The following RGS22 variants were observed in gnomAD, a reference collection of about 807,000 sequenced individuals.
RGS22 encodes regulator of G-protein signaling 22.
In RGS22, 148 loss-of-function variants were observed where a neutral mutation model predicts 172.9. That is an observed-to-expected ratio of 0.86 (90% confidence interval 0.75 to 0.98). The LOEUF (loss-of-function observed/expected upper bound fraction) is 0.98. Ranked by LOEUF, RGS22 falls within the 50% of genes least tolerant of loss-of-function variation. The pLI is 0.00. For missense variants in RGS22, 1,347 were observed against 1,440.8 expected, an observed-to-expected ratio of 0.93 and a Z score of 1.05; for synonymous variants, 458 against 480.2, an observed-to-expected ratio of 0.95 and a Z score of 0.60.
rs968076482 is a variant in RGS22, at chr8:100,007,787, G to A, written c.2361+588C>T. Among the ~76,000 whole-genome samples the A allele has an allele frequency of 1.8e-3, 247 of 139,926 alleles. 2 individuals carry two copies. Among genetic ancestry groups the A allele is most frequent in the South Asian group, 4.5e-3 (20 of 4,422 alleles). The allele number at this position is 139,926 out of a possible 152,430, so 91.8% of individuals were successfully genotyped here. A position where few individuals can be genotyped will look rare whatever the true frequency, so the allele number is the denominator to read the frequency against. On this transcript the variant is annotated intron_variant, in intron 15 of 27. Transcript: ENST00000360863. Reference sequence around the variant, plus strand: ...AATAAGAAAACCGGCAAAAAAAAAAGAAAAAAAAAATCAAGTGATGCCACT... The same window carrying A: ...AATAAGAAAACCGGCAAAAAAAAAAAAAAAAAAAAATCAAGTGATGCCACT...
chr8:100,084,865 T>C lies in RGS22; in HGVS notation c.118-4510A>G, dbSNP rs756672046. Among the ~76,000 whole-genome samples, 9 of 152,344 alleles carry C rather than the reference T, an allele frequency of 5.9e-5. No homozygotes were observed. In the East Asian group the frequency reaches 7.7e-4, roughly 13 times the overall value. On this transcript the variant is annotated intron_variant, in intron 3 of 27. Coordinates refer to ENST00000360863, the MANE Select transcript of RGS22 (RefSeq NM_015668.5). The stretch of plus-strand genomic sequence containing the variant: ...GTACATGATCTTTCATTTTTGTCTA[T>C]GATAAAGAGTAAACAAAATACCGAA...
At chr8:100,016,855 T>C (rs1196573832) in intron 14 of RGS22, among the ~76,000 whole-genome samples, 1 of 151,806 alleles carries the variant, frequency 6.6e-6, no homozygotes, top group Non-Finnish European at 1.5e-5. Flanking sequence ...ACATGGCACA[T>C]GTATACATAT....
chr8:99,987,592 A>G lies in RGS22; in HGVS notation c.3046T>C (p.Ser1016Pro), dbSNP rs1813241004. The G allele has an allele frequency of 6.2e-7, 1 of 1,608,298 alleles. No individual in the cohort carries two copies. The highest frequency in any genetic ancestry group is 8.5e-7 in the Non-Finnish European group (1 of 1,177,444). The change falls in exon 21 of 28, where the codon TCT (serine) becomes CCT (proline). Residue 1016 changes from serine to proline, a missense_variant. Ser to Pro is a moderately conservative substitution (Grantham distance 74). Transcript: ENST00000360863. The stretch of plus-strand genomic sequence containing the variant: ...TTGCGAAAAGCAATGATTTTACAAG[A>G]TGAAGAGATCCACTTACTCTCCACA... ...KPVESKWISSSCKIIAFRKAL... is the reference protein window; with the variant it reads ...KPVESKWISSPCKIIAFRKAL...
At chr8:100,089,197 TACAC>T (rs1462469333) in intron 3 of RGS22, among the ~76,000 whole-genome samples, 1 of 145,320 alleles carries the variant, frequency 6.9e-6, no homozygotes, top group Non-Finnish European at 1.5e-5. Flanking sequence ...ATACACGAGA[TACAC>T]ACACACACAA....
intron 19 of RGS22, among the ~76,000 whole-genome samples, chr8:99,998,676 G>A (rs549172381): frequency 1.3e-5 from 2 of 151,928 alleles, no homozygotes; most frequent in Non-Finnish European, 2.9e-5. Flanking sequence ...TTAGAGACAG[G>A]GTTTCACTCT....
intron 2 of RGS22, 118 bp downstream of exon 2, chr8:100,105,256 C>T (rs1367235323): frequency 2.5e-6 from 2 of 810,424 alleles, no homozygotes; most frequent in Non-Finnish European, 4.1e-6. Context: ...ACAATTGTTA[C>T]TAAACCAAAA....
At chr8:99,988,637 A>G (rs1319970142) in intron 20 of RGS22, among the ~76,000 whole-genome samples, 1 of 152,220 alleles carries the variant, frequency 6.6e-6, no homozygotes, top group Non-Finnish European at 1.5e-5. Context: ...TTATATTTTT[A>G]AAAAGTGCCA....
rs1289971787 is a variant in RGS22, at chr8:100,063,851, G to A, written c.917C>T (p.Thr306Ile). 2 of 1,611,520 alleles carry A rather than the reference G, an allele frequency of 1.2e-6. No homozygotes were observed. Among genetic ancestry groups the A allele is most frequent in the East Asian group, 4.5e-5 (2 of 44,834 alleles). Reference protein sequence around the residue: ...EKKQDVDESLTMHFSTCEEFL... With the variant: ...EKKQDVDESLIMHFSTCEEFL... ...TTCTTCACATGTTGAGAAATGCATT[G>A]TCAGGCTTTCATCAACATCCTGTTT... The change falls in exon 8 of 28, where the codon ACA becomes ATA. Residue 306 changes from threonine (T) to isoleucine (I), a missense_variant. Thr to Ile is a moderately conservative substitution (Grantham distance 89, BLOSUM62 -1). Coordinates refer to ENST00000360863, the MANE Select transcript of RGS22 (RefSeq NM_015668.5).
intron 10 of RGS22, among the ~76,000 whole-genome samples, chr8:100,049,949 T>C (rs940374149): frequency 2.0e-5 from 3 of 150,580 alleles, no homozygotes; most frequent in Admixed American, 6.7e-5. Context: ...CTTGGGAGAC[T>C]GAGGCAGGAG....
chr8:100,063,346 T>C (rs1171151038), intron 8 of RGS22, 70 bp downstream of exon 8: 1 of 1,160,136 alleles, frequency 8.6e-7, no homozygotes, highest in Non-Finnish European at 1.2e-6. Context: ...TTTCTCCCTG[T>C]GCTAAATAAC....
At chr8:100,008,239 C>A (rs909590742) in intron 15 of RGS22, 136 bp downstream of exon 15, 47 of 715,060 alleles carry the variant, frequency 6.6e-5, no homozygotes, top group Non-Finnish European at 1.0e-4. Context: ...GTTTTCACCA[C>A]GTTAGCTAGG....
Position 99,989,098 on chromosome 8 carries a change from A to G in RGS22, c.3019-1479T>C, listed in dbSNP as rs965847160. ...TTTTCAATCAAAATTATAGCAAAAA[A>G]CAAACATTAAAAAAGTTTCTTTCTT... is the stretch of plus-strand genomic sequence containing the variant. On this transcript the variant is annotated intron_variant, in intron 20 of 27. Coordinates refer to ENST00000360863, the MANE Select transcript of RGS22 (RefSeq NM_015668.5). Among the ~76,000 whole-genome samples, 6 of 152,114 alleles carry G rather than the reference A, an allele frequency of 3.9e-5. No individual in the cohort carries two copies. In the East Asian group the frequency reaches 1.2e-3, roughly 29 times the overall value.
intron 2 of RGS22, among the ~76,000 whole-genome samples, chr8:100,096,866 G>A (rs1004479577): frequency 6.6e-6 from 1 of 151,792 alleles, no homozygotes; most frequent in Non-Finnish European, 1.5e-5. Context: ...AAACAAGGAA[G>A]AGGAAATAAG....
chr8:100,095,450 C>T (rs1030224924), intron 2 of RGS22, among the ~76,000 whole-genome samples: 2 of 152,172 alleles, frequency 1.3e-5, no homozygotes, highest in African/African-American at 4.8e-5. Flanking sequence ...TCCTAAAGTG[C>T]TGGGATTACA....
intron 14 of RGS22, among the ~76,000 whole-genome samples, chr8:100,033,153 GA>G (rs1219433362): frequency 6.6e-6 from 1 of 151,996 alleles, no homozygotes; most frequent in Non-Finnish European, 1.5e-5. Flanking sequence ...CAGAAGACAA[GA>G]AATACTTAAG....
chr8:100,040,410 T>C (rs1021696724), intron 12 of RGS22, among the ~76,000 whole-genome samples: 3 of 152,172 alleles, frequency 2.0e-5, no homozygotes, highest in Admixed American at 6.5e-5. Flanking sequence ...TCCAAATCCT[T>C]GTTGGTGGCC....
chr8:100,088,922 G>A (rs1324246905), intron 3 of RGS22, among the ~76,000 whole-genome samples: 7 of 151,922 alleles, frequency 4.6e-5, no homozygotes, highest in African/African-American at 1.7e-4. Flanking sequence ...GCTTTTGGTG[G>A]GGACTGAGGG....
intron 8 of RGS22, 128 bp downstream of exon 8, chr8:100,063,288 C>T (rs1810286472): frequency 3.4e-6 from 2 of 583,538 alleles, no homozygotes; most frequent in Non-Finnish European, 5.7e-6. Flanking sequence ...TATTATCATT[C>T]ATTCCTCCAA....
chr8:99,980,751 A>C (rs1197849235), intron 22 of RGS22, among the ~76,000 whole-genome samples: 2 of 152,222 alleles, frequency 1.3e-5, no homozygotes, highest in African/African-American at 4.8e-5. Flanking sequence ...AGTATACCAG[A>C]ACCGAAAGGT....
Sources: gnomAD v4.1 joint callset for allele counts (sites outside exome capture counted in the v4.1 genomes callset) on GRCh38, gnomAD v4.1.1 for gene constraint, MANE v1.5 for transcripts, NCBI Gene and HGNC (gene_info 2026-07-23, HGNC 2026-07-21) for gene names.